DSCAM: variants seen among roughly 807,000 people sequenced by gnomAD.
DSCAM encodes the protein DS cell adhesion molecule, also known as cell adhesion molecule DSCAM.
A neutral mutation model predicts 217.7 loss-of-function variants in DSCAM; 47 were observed. The observed-to-expected ratio is 0.22, with a 90% CI of 0.17 to 0.28. The LOEUF (loss-of-function observed/expected upper bound fraction) is 0.28. Among genes scored for constraint, DSCAM ranks in the 10% least tolerant of loss-of-function variants. The pLI is 1.00. For missense variants in DSCAM, 2,080 were observed against 2,618.3 expected, an observed-to-expected ratio of 0.79 and a Z score of 4.49; for synonymous variants, 1,056 against 1,015.3, an observed-to-expected ratio of 1.04 and a Z score of -0.76.
chr21:40,835,232 C>G (rs1041024730), intron 1 of DSCAM, among the ~76,000 whole-genome samples: 2 of 152,098 alleles, frequency 1.3e-5, no homozygotes, highest in African/African-American at 4.8e-5. Flanking sequence ...AATATTTATG[C>G]CCTTTCCGTG....
At chr21:40,042,824 G>T in intron 31 of DSCAM, 151 bp from the exon 32 acceptor site, 1 of 699,440 alleles carries the variant, frequency 1.4e-6, no homozygotes, top group Non-Finnish European at 2.3e-6. Flanking sequence ...TCCTGCCTTA[G>T]GCACTCTGAG....
At chr21:40,484,293 TC>T (rs1462151114) in intron 3 of DSCAM, among the ~76,000 whole-genome samples, 1 of 152,220 alleles carries the variant, frequency 6.6e-6, no homozygotes, top group Non-Finnish European at 1.5e-5. Context: ...AGTTCATCCA[TC>T]CATCCTATCT....
chr21:40,155,495 C>T (rs1439054071), intron 16 of DSCAM, among the ~76,000 whole-genome samples: 1 of 152,098 alleles, frequency 6.6e-6, no homozygotes, highest in East Asian at 1.9e-4. Flanking sequence ...GCAGTGTGGC[C>T]AAGGAGGGCA....
chr21:40,222,483 A>G (rs552339420), intron 11 of DSCAM, among the ~76,000 whole-genome samples: 1 of 152,214 alleles, frequency 6.6e-6, no homozygotes, highest in Non-Finnish European at 1.5e-5. Flanking sequence ...TCAAAGAGCA[A>G]TAGCCATGAT....
At chr21:40,361,352 G>A (rs1029599256) in intron 4 of DSCAM, among the ~76,000 whole-genome samples, 13 of 152,126 alleles carry the variant, frequency 8.5e-5, no homozygotes, top group African/African-American at 2.9e-4. Context: ...TGGGTGCAGC[G>A]GCTCACGCCT....
chr21:40,314,477 C>T (rs769406882), intron 8 of DSCAM, among the ~76,000 whole-genome samples: 4 of 152,086 alleles, frequency 2.6e-5, no homozygotes, highest in East Asian at 1.9e-4. Flanking sequence ...TGGAGAGAAT[C>T]GGGTCAGACT....
intron 1 of DSCAM, among the ~76,000 whole-genome samples, chr21:40,735,214 G>C (rs749124092): frequency 2.6e-5 from 4 of 152,188 alleles, no homozygotes; most frequent in Non-Finnish European, 5.9e-5. Flanking sequence ...TATTATGCTT[G>C]CATTTCTAAC....
intron 2 of DSCAM, among the ~76,000 whole-genome samples, chr21:40,707,618 A>G (rs1298015224): frequency 6.6e-6 from 1 of 152,238 alleles, no homozygotes; most frequent in Non-Finnish European, 1.5e-5. Context: ...TACCTGGTGT[A>G]TAAGAAAAAA....
chr21:40,105,345 C>A (rs985602080), intron 20 of DSCAM, among the ~76,000 whole-genome samples: 5 of 151,976 alleles, frequency 3.3e-5, no homozygotes, highest in Admixed American at 2.0e-4. Flanking sequence ...TGGCTGTGTC[C>A]CCACCCAAAT....
chr21:40,443,309 T>C (rs2145917157), intron 3 of DSCAM, among the ~76,000 whole-genome samples: 1 of 152,376 alleles, frequency 6.6e-6, no homozygotes, highest in Admixed American at 6.5e-5. Context: ...TAGATCCATT[T>C]ATGCTGCAGT....
At chr21:40,763,381 T>C (rs1267055293) in intron 1 of DSCAM, among the ~76,000 whole-genome samples, 1 of 152,064 alleles carries the variant, frequency 6.6e-6, no homozygotes, top group African/African-American at 2.4e-5. Flanking sequence ...AATTACAACT[T>C]ACAAGGGATG....
rs763479906 is a variant in DSCAM at position 40,085,711 on chromosome 21, G to A, written c.4023C>T (p.Asn1341=). The A allele has an allele frequency of 8.2e-6, 13 of 1,586,040 alleles. No homozygotes were observed. The highest frequency in any genetic ancestry group is 2.3e-5 in the South Asian group (2 of 88,376). The stretch of plus-strand genomic sequence containing the variant: ...TCACCGTGCGAATAATGAAGCTTCC[G>A]TTGCTAAAGATGCTCCTCCGCCCAT... ...TIDGRRSIFS[N]GSFIIRTVKA... Residue 1341 remains asparagine, a synonymous_variant, in exon 23 of 33, where the codon AAC becomes AAT. Coordinates refer to ENST00000400454, the MANE Select transcript of DSCAM (RefSeq NM_001389.5).
chr21:40,472,821 C>T (rs1240582820), intron 3 of DSCAM, among the ~76,000 whole-genome samples: 1 of 152,104 alleles, frequency 6.6e-6, no homozygotes, highest in Non-Finnish European at 1.5e-5. Context: ...TAACAATTCT[C>T]CCAATATGCA....
intron 3 of DSCAM, among the ~76,000 whole-genome samples, chr21:40,485,052 T>C (rs1211971216): frequency 6.6e-6 from 1 of 152,060 alleles, no homozygotes; most frequent in Non-Finnish European, 1.5e-5. Context: ...TATGTTATTA[T>C]ACAGAGGAAT....
chr21:40,607,895 T>C (rs140577364), intron 3 of DSCAM, among the ~76,000 whole-genome samples: 89 of 152,320 alleles, frequency 5.8e-4, no homozygotes, highest in African/African-American at 1.9e-3. Flanking sequence ...TATTCCCACA[T>C]TGAGAGGCGC....
chr21:40,447,453 A>G (rs2075684119), intron 3 of DSCAM, among the ~76,000 whole-genome samples: 1 of 152,232 alleles, frequency 6.6e-6, no homozygotes, highest in African/African-American at 2.4e-5. Flanking sequence ...TGGTTTGACA[A>G]CAATGAACCA....
intron 2 of DSCAM, among the ~76,000 whole-genome samples, chr21:40,704,090 G>T (rs2090686123): frequency 6.6e-6 from 1 of 151,984 alleles, no homozygotes; most frequent in Admixed American, 6.5e-5. Context: ...ACTCTATGTT[G>T]TAAGTTCTAT....
chr21:40,581,212 T>C (rs1455502542), intron 3 of DSCAM, among the ~76,000 whole-genome samples: 1 of 152,222 alleles, frequency 6.6e-6, no homozygotes, highest in Non-Finnish European at 1.5e-5. Flanking sequence ...GGGAATGCGC[T>C]GCAGCCTCAA....
rs545956547 is a variant in DSCAM, at chr21:40,479,333, A to C, written c.509-110088T>G. On this transcript the variant is annotated intron_variant, in intron 3 of 32. Coordinates refer to ENST00000400454, the MANE Select transcript of DSCAM (RefSeq NM_001389.5). ...AAGTACACAATCATCATCATCATTA[A>C]CGGTGCAGGGGTAACATCTGCTCAT... Among the ~76,000 whole-genome samples the C allele has an allele frequency of 1.5e-4, 23 of 152,346 alleles. No individual in the cohort carries two copies. In the South Asian group the frequency reaches 4.8e-3, roughly 32 times the overall value.
Sources: gnomAD v4.1 joint callset for allele counts (sites outside exome capture counted in the v4.1 genomes callset) on GRCh38, gnomAD v4.1.1 for gene constraint, MANE v1.5 for transcripts, NCBI Gene and HGNC (gene_info 2026-07-23, HGNC 2026-07-21) for gene names.